The following MAP3K13 variants were observed in gnomAD, a reference collection of about 807,000 sequenced individuals.
MAP3K13 encodes the protein mitogen-activated protein kinase kinase kinase 13.
Under a neutral mutation model 104.0 loss-of-function variants are expected in MAP3K13, and 52 were observed. The ratio of observed to expected loss-of-function variants is 0.50; its 90% CI spans 0.40 to 0.63. The LOEUF (loss-of-function observed/expected upper bound fraction) is 0.63, where lower values mean the gene tolerates loss of function less well. Ranked by LOEUF, MAP3K13 falls within the 20% of genes least tolerant of loss-of-function variation. MAP3K13 has a pLI of 0.00. For synonymous variants in MAP3K13, 394 were observed against 442.2 expected, an observed-to-expected ratio of 0.89 and a Z score of 1.37; for missense variants, 914 against 1,218.5, an observed-to-expected ratio of 0.75 and a Z score of 3.72.
At chr3:185,406,809 G>A (rs1447326271) in intron 1 of MAP3K13, among the ~76,000 whole-genome samples, 4 of 151,924 alleles carry the variant, frequency 2.6e-5, no homozygotes, top group South Asian at 4.2e-4. Flanking sequence ...ATTCATTTTC[G>A]TCTTCTGAGA....
At chr3:185,468,054 G>A (rs1022657690) in intron 10 of MAP3K13, among the ~76,000 whole-genome samples, 1 of 152,028 alleles carries the variant, frequency 6.6e-6, no homozygotes, top group Admixed American at 6.6e-5. Flanking sequence ...ACTATCATGA[G>A]AACAGCACCG....
chr3:185,293,482 G>A (rs750937759), intron 2 of MAP3K13, among the ~76,000 whole-genome samples: 6 of 151,844 alleles, frequency 4.0e-5, no homozygotes, highest in Non-Finnish European at 7.4e-5. Flanking sequence ...CTACAGCAGC[G>A]GCATGATCAT....
At chr3:185,348,012 CAA>C (rs61028328) in intron 2 of MAP3K13, among the ~76,000 whole-genome samples, 14 of 88,932 alleles carry the variant, frequency 1.6e-4, no homozygotes, top group Non-Finnish European at 1.6e-4. Context: ...AACTCCGTCT[CAA>C]AAAAAAAAAA....
chr3:185,335,512 T>C (rs538145054), intron 2 of MAP3K13, among the ~76,000 whole-genome samples: 105 of 152,280 alleles, frequency 6.9e-4, no homozygotes, highest in African/African-American at 2.5e-3. Flanking sequence ...AAAGAGTGAC[T>C]AAAGGTGCAA....
At chr3:185,373,790 A>G (rs79016106) in intron 1 of MAP3K13, among the ~76,000 whole-genome samples, 1 of 117,800 alleles carries the variant, frequency 8.5e-6, no homozygotes, top group African/African-American at 2.9e-5. Flanking sequence ...CATGTTCTCA[A>G]CCTGGTTAGC....
intron 1 of MAP3K13, among the ~76,000 whole-genome samples, chr3:185,427,632 C>T (rs1372014320): frequency 6.6e-6 from 1 of 152,122 alleles, no homozygotes; most frequent in Non-Finnish European, 1.5e-5. Flanking sequence ...TTAATGAATG[C>T]CTTATAAAGT....
At chr3:185,428,168 C>A (rs1195250732) in intron 1 of MAP3K13, among the ~76,000 whole-genome samples, 1 of 151,910 alleles carries the variant, frequency 6.6e-6, no homozygotes, top group African/African-American at 2.4e-5. Context: ...CCAAATCTAA[C>A]CACCTAAAAT....
chr3:185,458,163 G>A (rs1278364641), intron 7 of MAP3K13, among the ~76,000 whole-genome samples: 1 of 152,088 alleles, frequency 6.6e-6, no homozygotes. Flanking sequence ...GAGGTCAGGA[G>A]TTCAAGACCA....
chr3:185,488,500 A>C lies in MAP3K13; in HGVS notation c.*6044A>C, dbSNP rs1265817999. 6.6e-6 allele frequency: 1 copy of C among 152,280 alleles called. No homozygotes were observed. The highest frequency in any genetic ancestry group is 1.5e-5 in the Non-Finnish European group (1 of 68,106). 9.4% of individuals were successfully genotyped at this position (152,280 alleles called of 1,614,324 possible). A position where few individuals can be genotyped will look rare whatever the true frequency, so the allele number is the denominator to read the frequency against. On this transcript the variant is annotated 3_prime_UTR_variant, in exon 14 of 14. Coordinates refer to ENST00000265026, the MANE Select transcript of MAP3K13 (RefSeq NM_004721.5). Reference sequence around the variant, plus strand: ...GGAGCTCTAAAATCACTGCTCTGAGAAACAGGAGGTGGGTTAAGGCTTTTG... The same window carrying C: ...GGAGCTCTAAAATCACTGCTCTGAGCAACAGGAGGTGGGTTAAGGCTTTTG...
Position 185,480,466 on chromosome 3 carries a change from C to T in MAP3K13, c.2736C>T (p.Ala912=), listed in dbSNP as rs774843577. ...HSDGLSDKEC[A]VRRVKTQMSL... is the part of the protein sequence containing the mutation. ...ATGGGCTCTCTGACAAGGAGTGTGC[C>T]GTGCGCCGTGTGAAGACTCAGATGT... Residue 912 remains alanine (A), a synonymous_variant, in exon 13 of 14, where the codon GCC becomes GCT. Transcript: ENST00000265026. 14 of 1,614,038 alleles carry T rather than the reference C, an allele frequency of 8.7e-6. No homozygotes were observed. The highest frequency in any genetic ancestry group is 4.5e-5 in the East Asian group (2 of 44,896).
intron 1 of MAP3K13, among the ~76,000 whole-genome samples, chr3:185,380,206 A>ACAAAACAAAAC (rs1553796385): frequency 2.0e-5 from 3 of 147,276 alleles, no homozygotes; most frequent in African/African-American, 7.5e-5. Context: ...ACAAAACAAA[A>ACAAAACAAAAC]AAACAGAAGA....
intron 1 of MAP3K13, among the ~76,000 whole-genome samples, chr3:185,425,077 T>C (rs1714338078): frequency 2.0e-5 from 3 of 152,240 alleles, no homozygotes; most frequent in African/African-American, 2.4e-5. Flanking sequence ...AGGCTGAGTA[T>C]ATATTCAATA....
At chr3:185,425,240 A>G (rs548248058) in intron 1 of MAP3K13, among the ~76,000 whole-genome samples, 1 of 152,332 alleles carries the variant, frequency 6.6e-6, no homozygotes, top group Non-Finnish European at 1.5e-5. Flanking sequence ...TCAGTGCATG[A>G]TGCATAGTAG....
chr3:185,310,679 A>G (rs978561448), intron 2 of MAP3K13, among the ~76,000 whole-genome samples: 3 of 152,226 alleles, frequency 2.0e-5, no homozygotes, highest in African/African-American at 7.2e-5. Flanking sequence ...AGGCAGATCC[A>G]TAGAAGTTAT....
intron 1 of MAP3K13, among the ~76,000 whole-genome samples, chr3:185,379,289 G>A (rs536023929): frequency 2.1e-4 from 32 of 152,308 alleles, no homozygotes; most frequent in South Asian, 4.1e-4. Flanking sequence ...GACAGACGCC[G>A]GAGTTTTGGG....
chr3:185,396,141 C>T (rs1231038800), intron 1 of MAP3K13, among the ~76,000 whole-genome samples: 9 of 151,894 alleles, frequency 5.9e-5, no homozygotes, highest in South Asian at 2.1e-4. Context: ...GAGGCTGAGG[C>T]GGGTAGATCA....
At position 185,466,890 on chromosome 3, in the gene MAP3K13, A is replaced by G. The variant is rs1229766902; in HGVS notation, c.1570A>G (p.Ile524Val). 6.2e-6 allele frequency: 10 copies of G among 1,613,858 alleles called. No individual in the cohort carries two copies. Among genetic ancestry groups the G allele is most frequent in the South Asian group, 2.2e-5 (2 of 91,084 alleles). ...CAAACGACACCCTGTTCGTCCTATC[A>G]TCCATCCCAATGCCATGGAGAAACT... ...TYKRHPVRPI[I>V]HPNAMEKLMK... Residue 524 changes from isoleucine to valine, a missense_variant, in exon 10 of 14, where the codon ATC becomes GTC. Physicochemically the swap from Ile to Val is conservative, Grantham distance 29. This residue lies in a region of MAP3K13 where 583 missense variants were observed against 737.4 expected (regional missense o/e 0.79). Coordinates refer to ENST00000265026, the MANE Select transcript of MAP3K13 (RefSeq NM_004721.5).
chr3:185,319,232 A>G (rs1721777585), intron 2 of MAP3K13, among the ~76,000 whole-genome samples: 1 of 152,200 alleles, frequency 6.6e-6, no homozygotes, highest in African/African-American at 2.4e-5. Context: ...AGTATTACAG[A>G]ATTTCCTAGC....
intron 1 of MAP3K13, among the ~76,000 whole-genome samples, chr3:185,394,504 G>C (rs1712263168): frequency 6.6e-6 from 1 of 152,130 alleles, no homozygotes; most frequent in Admixed American, 6.5e-5. Context: ...TATATAGAAT[G>C]AAAGACGTAT....
Sources: allele counts gnomAD v4.1 joint callset (sites outside exome capture counted in the v4.1 genomes callset), GRCh38; gene constraint gnomAD v4.1.1; regional missense constraint gnomAD v4.1.1; transcripts MANE v1.5; gene names NCBI Gene and HGNC (gene_info 2026-07-23, HGNC 2026-07-21).